ARK2N: variants seen among roughly 807,000 people sequenced by gnomAD.
ARK2N encodes protein ARK2N.
chr18:46,211,506 A>G, the ARK2N span, among the ~76,000 whole-genome samples: 1 of 152,194 alleles, frequency 6.6e-6, no homozygotes, highest in African/African-American at 2.4e-5. Context: ...AGAAGTTTAT[A>G]CAACTCTCAC....
the ARK2N span, among the ~76,000 whole-genome samples, chr18:46,197,607 G>GTGGTTCCTTGAATA: frequency 6.6e-6 from 1 of 152,170 alleles, no homozygotes. Context: ...TTCCTTGAAT[G>GTGGTTCCTTGAATA]TAGTTCCTTG....
chr18:46,224,026 A>T, the ARK2N span, among the ~76,000 whole-genome samples: 1 of 152,188 alleles, frequency 6.6e-6, no homozygotes, highest in African/African-American at 2.4e-5. Context: ...AACCAAAGAT[A>T]ATCTAGCCTA....
chr18:46,233,741 T>G, the ARK2N span, among the ~76,000 whole-genome samples: 45 of 152,348 alleles, frequency 3.0e-4, 1 homozygote, highest in East Asian at 8.7e-3. Flanking sequence ...AGGACAAATG[T>G]AATCCTTAAA....
chr18:46,213,018 T>TTG, the ARK2N span, among the ~76,000 whole-genome samples: 2 of 135,020 alleles, frequency 1.5e-5, no homozygotes, highest in Admixed American at 7.7e-5. Flanking sequence ...TTTTTTTTTT[T>TTG]GGAGACTAAG....
chr18:46,222,900 T>C, the ARK2N span, among the ~76,000 whole-genome samples: 1 of 152,176 alleles, frequency 6.6e-6, no homozygotes, highest in African/African-American at 2.4e-5. Flanking sequence ...TGTAGTTTAC[T>C]GTTAGGGTTC....
chr18:46,229,586 C>T, the ARK2N span, among the ~76,000 whole-genome samples: 1 of 151,306 alleles, frequency 6.6e-6, no homozygotes, highest in South Asian at 2.1e-4. Context: ...CGTCATGATC[C>T]GCCTGCCTCA....
chr18:46,225,472 T>G, the ARK2N span, among the ~76,000 whole-genome samples: 1 of 152,256 alleles, frequency 6.6e-6, no homozygotes, highest in Non-Finnish European at 1.5e-5. Context: ...TTGCTGTTTT[T>G]TTTTGAGACG....
the ARK2N span, among the ~76,000 whole-genome samples, chr18:46,227,996 T>C: frequency 6.6e-6 from 1 of 152,216 alleles, no homozygotes; most frequent in Non-Finnish European, 1.5e-5. Flanking sequence ...CAATAAATAA[T>C]GTTAGTATGA....
chr18:46,260,956 A>G, the ARK2N span, among the ~76,000 whole-genome samples: 2 of 152,242 alleles, frequency 1.3e-5, no homozygotes, highest in Non-Finnish European at 2.9e-5. Context: ...GTTACATTGT[A>G]TGATTACTTA....
At chr18:46,252,606 T>C in the ARK2N span, among the ~76,000 whole-genome samples, 1 of 152,182 alleles carries the variant, frequency 6.6e-6, no homozygotes, top group African/African-American at 2.4e-5. Flanking sequence ...TTAGGTGTTG[T>C]GTAGATTTTT....
At chr18:46,251,109 TACAA>T in the ARK2N span, among the ~76,000 whole-genome samples, 2 of 152,194 alleles carry the variant, frequency 1.3e-5, no homozygotes, top group Non-Finnish European at 2.9e-5. Context: ...TTATTGTAGG[TACAA>T]ACAAATAAAG....
At chr18:46,187,157 A>G in the ARK2N span, among the ~76,000 whole-genome samples, 1 of 150,986 alleles carries the variant, frequency 6.6e-6, no homozygotes, top group Admixed American at 6.6e-5. Context: ...CCCAGCCCTT[A>G]CTACTACTTT....
the ARK2N span, chr18:46,240,135 A>G: frequency 6.2e-7 from 1 of 1,614,234 alleles, no homozygotes; most frequent in Non-Finnish European, 8.5e-7. Flanking sequence ...GCCAGGACAC[A>G]GGAGCTACCT....
the ARK2N span, among the ~76,000 whole-genome samples, chr18:46,211,454 G>T: frequency 6.6e-6 from 1 of 152,280 alleles, no homozygotes; most frequent in African/African-American, 2.4e-5. Flanking sequence ...GAGATGTCAG[G>T]TTGCATTGGG....
At chr18:46,227,903 CT>C in the ARK2N span, among the ~76,000 whole-genome samples, 1 of 151,810 alleles carries the variant, frequency 6.6e-6, no homozygotes, top group African/African-American at 2.4e-5. Context: ...TGGCCGATCT[CT>C]TTTTTTTGTG....
chr18:46,235,687 A>G, the ARK2N span, among the ~76,000 whole-genome samples: 1,880 of 152,288 alleles, frequency 0.012, 49 homozygotes, highest in African/African-American at 0.043. Flanking sequence ...TCCTTCAACA[A>G]TGAGAACAAT....
At chr18:46,198,449 C>T in the ARK2N span, among the ~76,000 whole-genome samples, 1 of 151,632 alleles carries the variant, frequency 6.6e-6, no homozygotes, top group African/African-American at 2.4e-5. Flanking sequence ...ATAAAAAGTT[C>T]ATTCTCCCAT....
At chr18:46,202,077 C>A in the ARK2N span, among the ~76,000 whole-genome samples, 1 of 152,076 alleles carries the variant, frequency 6.6e-6, no homozygotes, top group Non-Finnish European at 1.5e-5. Context: ...CATGCCTGGC[C>A]TAGATCTAGT....
chr18:46,249,545 C>T, the ARK2N span, among the ~76,000 whole-genome samples: 1 of 152,238 alleles, frequency 6.6e-6, no homozygotes, highest in South Asian at 2.1e-4. Context: ...CATTCTTTCT[C>T]CGTAGTGGCT....
Sources: allele counts gnomAD v4.1 joint callset (sites outside exome capture counted in the v4.1 genomes callset), GRCh38; gene constraint gnomAD v4.1.1; transcripts MANE v1.5; gene names NCBI Gene and HGNC (gene_info 2026-07-23, HGNC 2026-07-21).